The following MSH6 variants were observed in gnomAD, a reference collection of about 807,000 sequenced individuals.
MSH6 encodes the protein mutS homolog 6.
A neutral mutation model predicts 119.1 loss-of-function variants in MSH6; 85 were observed. The observed-to-expected ratio is 0.71, with a 90% CI of 0.60 to 0.85. MSH6 has a LOEUF of 0.85. MSH6 is among the 40% of genes least tolerant of loss of function. MSH6 has a pLI of 0.00. For missense variants in MSH6, 2,163 were observed against 1,655.3 expected, an observed-to-expected ratio of 1.31 and a Z score of -5.32; for synonymous variants, 830 against 586.9, an observed-to-expected ratio of 1.41 and a Z score of -5.99.
At chr2:47,806,964 A>G, downstream of MSH6, 1 of 915,124 alleles carries the variant, frequency 1.1e-6, no homozygotes, top group Non-Finnish European at 1.7e-6. Context: ...CCATTTTTCC[A>G]TTTTCTTTCT....
chr2:47,799,218 A>C lies in MSH6; in HGVS notation c.1235A>C (p.Lys412Thr), dbSNP rs587781508. 3 of 1,614,156 alleles carry C rather than the reference A, an allele frequency of 1.9e-6. No homozygotes were observed. The highest frequency in any genetic ancestry group is 2.5e-6 in the Non-Finnish European group (3 of 1,180,020). Residue 412 changes from lysine to threonine, a missense_variant, in exon 4 of 10, where the codon AAG (lysine) becomes ACG (threonine). Lys to Thr is a moderately conservative substitution (Grantham distance 78). Transcript: ENST00000234420. The stretch of plus-strand genomic sequence containing the variant: ...AATTCTTGTACTCCTGGGATGAGGA[A>C]GTGGTGGCAGATTAAGTCTCAGAAC... Reference protein sequence around the residue: ...FLNSCTPGMRKWWQIKSQNFD... With the variant: ...FLNSCTPGMRTWWQIKSQNFD...
chr2:47,784,151 G>C lies in MSH6; in HGVS notation c.260+658G>C, dbSNP rs1008628337. The C allele has an allele frequency of 4.0e-6, 4 of 1,005,780 alleles. No homozygotes were observed. In the African/African-American group the frequency reaches 6.9e-5, roughly 17 times the overall value. 62.3% of individuals were successfully genotyped at this position (1,005,780 alleles called of 1,614,324 possible). A position where few individuals can be genotyped will look rare whatever the true frequency, so the allele number is the denominator to read the frequency against. On this transcript the variant is annotated intron_variant, in intron 1 of 9. Transcript: ENST00000234420. ...TGGGCCACGAGCTGCGAGCGCGGGG[G>C]GGTGTGTCACCATGGGGACCGCGGG...
At chr2:47,808,183 G>C, downstream of MSH6, 1 of 1,613,510 alleles carries the variant, frequency 6.2e-7, no homozygotes, top group Non-Finnish European at 8.5e-7. Flanking sequence ...TCTGTATCAT[G>C]TGTAGGCTCA....
Position 47,803,779 on chromosome 2 carries a change from AAGTCAGCC to A in MSH6, c.3438+98_3438+105del. 4 of 1,478,282 alleles carry A rather than the reference AAGTCAGCC, an allele frequency of 2.7e-6. No individual in the cohort carries two copies. The East Asian group carries it at 6.8e-5, about 25-fold the overall frequency. The allele number at this position is 1,478,282 out of a possible 1,614,324, so 91.6% of individuals were successfully genotyped here. A position where few individuals can be genotyped will look rare whatever the true frequency, so the allele number is the denominator to read the frequency against. Reference sequence around the variant, plus strand: ...TCATTTTCCAAACACAGTTACATAAAAGTCAGCCAGTGACTTAATAGGAAGCAAAGGGA... The same window carrying A: ...TCATTTTCCAAACACAGTTACATAAAAGTGACTTAATAGGAAGCAAAGGGA... On this transcript the variant is annotated intron_variant, in intron 5 of 9. Coordinates refer to ENST00000234420, the MANE Select transcript of MSH6 (RefSeq NM_000179.3).
intron 2 of MSH6, among the ~76,000 whole-genome samples, chr2:47,794,076 C>T (rs1426718812): frequency 1.3e-5 from 2 of 150,368 alleles, no homozygotes; most frequent in African/African-American, 2.4e-5. Context: ...AGTGGTGGCT[C>T]ACGCCTGTAA....
At chr2:47,798,574 T>G (rs1322321746) in intron 3 of MSH6, 37 bp from the exon 4 acceptor site, 1 of 1,600,966 alleles carries the variant, frequency 6.2e-7, no homozygotes, top group Non-Finnish European at 8.5e-7. Flanking sequence ...TTTCCAAATT[T>G]TGATTTGTTT....
chr2:47,805,128 T>G, intron 6 of MSH6, 101 bp downstream of exon 6: 1 of 830,600 alleles, frequency 1.2e-6, no homozygotes, highest in Non-Finnish European at 2.1e-6. Flanking sequence ...AATATTTGAT[T>G]TTTCTGGTGT....
At chr2:47,807,069 TAC>T (rs1221020504), downstream of MSH6, 1 of 564,890 alleles carries the variant, frequency 1.8e-6, no homozygotes, top group Non-Finnish European at 3.1e-6. Context: ...GGTACATGCA[TAC>T]ACTTTCAGGC....
At chr2:47,783,749 C>G (rs1668161724) in intron 1 of MSH6, 1 of 393,944 alleles carries the variant, frequency 2.5e-6, no homozygotes, top group East Asian at 5.2e-5. Flanking sequence ...GAGTTCGGGC[C>G]TTTTGGAGGG....
intron 7 of MSH6, 24 bp downstream of exon 7, chr2:47,805,731 G>A (rs1669978415): frequency 7.4e-7 from 1 of 1,345,144 alleles, no homozygotes; most frequent in South Asian, 1.2e-5. Flanking sequence ...CTTCTCATTT[G>A]AAGACTATCT....
chr2:47,783,553 G>T lies in MSH6; in HGVS notation c.260+60G>T, dbSNP rs1039119020. On this transcript the variant is annotated intron_variant, in intron 1 of 9. Coordinates refer to ENST00000234420, the MANE Select transcript of MSH6 (RefSeq NM_000179.3). The stretch of plus-strand genomic sequence containing the variant: ...ATAGCGGCGGGGCGCTTGGAACCCG[G>T]CGAGGGGAGGCTCGCACAGGGGGTT... The T allele has an allele frequency of 3.6e-6, 5 of 1,390,264 alleles. No individual in the cohort carries two copies. The African/African-American group carries it at 7.7e-5, about 21-fold the overall frequency. The allele number at this position is 1,390,264 out of a possible 1,614,324, so 86.1% of individuals were successfully genotyped here.
At chr2:47,792,846 G>GT (rs11335797) in intron 2 of MSH6, among the ~76,000 whole-genome samples, 1,546 of 114,370 alleles carry the variant, frequency 0.014, 19 homozygotes, top group South Asian at 0.049. Context: ...TTTTTATATA[G>GT]TTTTTTTTTT....
chr2:47,783,903 CG>C lies in MSH6; in HGVS notation c.260+416del, dbSNP rs1197883717. The C allele has an allele frequency of 1.5e-5, 11 of 753,898 alleles. No homozygotes were observed. The East Asian group carries it at 1.5e-3, about 103-fold the overall frequency. 46.7% of individuals were successfully genotyped at this position (753,898 alleles called of 1,614,324 possible). Reference sequence around the variant, plus strand: ...CGCCCGGCCCACTTGGTGGGCGGGGCGGGGGGCGGGGTGGCGGGAAGGAGGA... The same window carrying C: ...CGCCCGGCCCACTTGGTGGGCGGGGCGGGGGCGGGGTGGCGGGAAGGAGGA... On this transcript the variant is annotated intron_variant, in intron 1 of 9. Coordinates refer to ENST00000234420, the MANE Select transcript of MSH6 (RefSeq NM_000179.3).
chr2:47,796,168 A>G (rs1370480560), intron 3 of MSH6, 105 bp downstream of exon 3: 5 of 1,177,906 alleles, frequency 4.2e-6, no homozygotes, highest in Non-Finnish European at 6.3e-6. Context: ...GTGTGTGTAT[A>G]TGTATTATTT....
chr2:47,807,782 G>GC (rs1670326136), downstream of MSH6: 1 of 258,072 alleles, frequency 3.9e-6, no homozygotes, highest in Non-Finnish European at 7.5e-6. Context: ...GTCTATTGAA[G>GC]ATTACTACTG....
rs536351073 is a variant in MSH6 at position 47,790,480 on chromosome 2, G to A, written c.261-447G>A. On this transcript the variant is annotated intron_variant, in intron 1 of 9. Transcript: ENST00000234420. ...GAAAAAGATTCCAAGCAAGTCTAAT[G>A]AATTAGATAATTTACCTAATTAGTA... Among the ~76,000 whole-genome samples the A allele has an allele frequency of 9.9e-5, 15 of 152,268 alleles. No homozygotes were observed. The South Asian group carries it at 2.7e-3, about 27-fold the overall frequency.
At chr2:47,786,718 T>C (rs529316771) in intron 1 of MSH6, among the ~76,000 whole-genome samples, 3 of 148,026 alleles carry the variant, frequency 2.0e-5, no homozygotes, top group African/African-American at 7.4e-5. Flanking sequence ...TTTTGCTGTT[T>C]CTTTTTTTTT....
At chr2:47,790,530 A>G (rs3136278) in intron 1 of MSH6, among the ~76,000 whole-genome samples, 2,931 of 152,256 alleles carry the variant, frequency 0.019, 87 homozygotes, top group African/African-American at 0.065. Flanking sequence ...TATGCTTTAT[A>G]ATAATATTGT....
rs193922342 is a variant in MSH6, at chr2:47,783,503, T to A, written c.260+10T>A. 8 of 1,335,662 alleles carry A rather than the reference T, an allele frequency of 6.0e-6. No homozygotes were observed. The highest frequency in any genetic ancestry group is 7.7e-6 in the Non-Finnish European group (8 of 1,042,054). 82.7% of individuals were successfully genotyped at this position (1,335,662 alleles called of 1,614,324 possible). ...CTGCTGCCCCCACCAGGTAGCGGGGTGGGGGTGGGGTCGAAGGCGGGGGCA... is the reference window on the plus strand; with the variant it reads ...CTGCTGCCCCCACCAGGTAGCGGGGAGGGGGTGGGGTCGAAGGCGGGGGCA... On this transcript the variant is annotated intron_variant, in intron 1 of 9. Coordinates refer to ENST00000234420, the MANE Select transcript of MSH6 (RefSeq NM_000179.3).
Sources: allele counts gnomAD v4.1 joint callset (sites outside exome capture counted in the v4.1 genomes callset), GRCh38; gene constraint gnomAD v4.1.1; transcripts MANE v1.5; gene names NCBI Gene and HGNC (gene_info 2026-07-23, HGNC 2026-07-21).